The following PHLDB3 variants were observed in gnomAD, a reference collection of about 807,000 sequenced individuals.
PHLDB3 encodes pleckstrin homology like domain family B member 3.
In PHLDB3, 86 loss-of-function variants were observed where a neutral mutation model predicts 85.7. That is an observed-to-expected ratio of 1.00 (90% CI 0.84 to 1.20). The LOEUF is 1.20. Among genes scored for constraint, PHLDB3 ranks in the 50% most tolerant of loss-of-function variants. The probability of loss-of-function intolerance (pLI) is 0.00; values close to 1 mark genes in which losing one functional copy is unlikely to be tolerated. For synonymous variants in PHLDB3, 376 were observed against 349.8 expected, an observed-to-expected ratio of 1.07 and a Z score of -0.83; for missense variants, 995 against 873.0, an observed-to-expected ratio of 1.14 and a Z score of -1.76.
At chr19:43,480,338 C>A (rs1196502528) in intron 13 of PHLDB3, among the ~76,000 whole-genome samples, 1 of 145,314 alleles carries the variant, frequency 6.9e-6, no homozygotes, top group African/African-American at 2.5e-5. Flanking sequence ...TGCCTGTAAT[C>A]TCAGCACTTT....
intron 14 of PHLDB3, among the ~76,000 whole-genome samples, chr19:43,478,403 A>G (rs988740198): frequency 5.9e-5 from 9 of 152,246 alleles, no homozygotes; most frequent in Non-Finnish European, 1.2e-4. Context: ...GAAGGAACTC[A>G]GGGAGTGCTC....
intron 6 of PHLDB3, 104 bp from the exon 7 acceptor site, chr19:43,495,724 A>G: frequency 6.9e-7 from 1 of 1,456,804 alleles, no homozygotes; most frequent in Middle Eastern, 2.2e-4. Context: ...AGCCACTCCC[A>G]GAGACCATGG....
Position 43,497,784 on chromosome 19 carries a change from C to A in PHLDB3, c.627G>T (p.Glu209Asp). ...KAQGQLDSQP[E>D]DQRERLLQGV... is the part of the protein sequence containing the mutation. Reference sequence around the variant, plus strand: ...CCTGCAGAAGCCGCTCGCGTTGGTCCTCTGGCTGTGAGTCGAGCTGTCCCT... The same window carrying A: ...CCTGCAGAAGCCGCTCGCGTTGGTCATCTGGCTGTGAGTCGAGCTGTCCCT... Residue 209 changes from glutamate (E) to aspartate (D), a missense_variant, in exon 5 of 16, where the codon GAG becomes GAT. Transcript: ENST00000292140. 6.4e-7 allele frequency: 1 copy of A among 1,555,170 alleles called. No individual in the cohort carries two copies. Among genetic ancestry groups the A allele is most frequent in the Non-Finnish European group, 8.7e-7 (1 of 1,149,050 alleles).
chr19:43,475,476 G>A lies in PHLDB3; in HGVS notation c.1857C>T (p.Ser619=). 1 of 1,613,976 alleles carries A rather than the reference G, an allele frequency of 6.2e-7. No individual in the cohort carries two copies. Residue 619 remains serine, a synonymous_variant, in exon 16 of 16, where the codon AGC becomes AGT. Transcript: ENST00000292140. The stretch of plus-strand genomic sequence containing the variant: ...CCATCCAAATGCGCATGGCTTCGGG[G>A]CTCGGAGCCACCATGTAGAAAAGGC... ...YERLFYMVAP[S]PEAMRIWMDV...
At chr19:43,499,091 G>A (rs1373027263) in intron 4 of PHLDB3, among the ~76,000 whole-genome samples, 4 of 152,070 alleles carry the variant, frequency 2.6e-5, no homozygotes, top group Admixed American at 1.3e-4. Context: ...CAGCTGCCTC[G>A]GGAGTCCTCC....
In PHLDB3 at chr19:43,501,800, C is replaced by T. The variant is rs1971607182; in HGVS notation, c.468G>A (p.Glu156=). 6 of 1,587,936 alleles carry T rather than the reference C, an allele frequency of 3.8e-6. No homozygotes were observed. Among genetic ancestry groups the T allele is most frequent in the Non-Finnish European group, 5.1e-6 (6 of 1,168,798 alleles). The change falls in exon 4 of 16, where the codon GAG becomes GAA. Residue 156 remains glutamate (E), a synonymous_variant. Coordinates refer to ENST00000292140, the MANE Select transcript of PHLDB3 (RefSeq NM_198850.4). ...GCTGCTCCAGCAGCTCCCGCAGCTG[C>T]TCCTCCTCCCGGCGAGCGGCCACTC... is the stretch of plus-strand genomic sequence containing the variant. ...GERVAARREE[E]QLRELLEQQA...
At chr19:43,504,540 CTT>C (rs1971708368) in intron 1 of PHLDB3, 47 bp downstream of exon 1, 1 of 211,196 alleles carries the variant, frequency 4.7e-6, no homozygotes, top group African/African-American at 2.4e-5. Context: ...GCCCCGTAGT[CTT>C]AGTCCCGACC....
intron 5 of PHLDB3, 68 bp downstream of exon 5, chr19:43,497,680 C>T: frequency 6.6e-7 from 1 of 1,507,686 alleles, no homozygotes; most frequent in Non-Finnish European, 8.9e-7. Context: ...CCACTGCACT[C>T]CAGCCTGGGC....
intron 13 of PHLDB3, among the ~76,000 whole-genome samples, chr19:43,485,043 A>G (rs1054451089): frequency 3.3e-5 from 5 of 151,846 alleles, no homozygotes; most frequent in Non-Finnish European, 7.4e-5. Context: ...AAAATAAAAT[A>G]TATATACCTA....
intron 2 of PHLDB3, among the ~76,000 whole-genome samples, chr19:43,503,446 G>A (rs746513313): frequency 1.8e-4 from 28 of 152,140 alleles, no homozygotes; most frequent in Admixed American, 1.2e-3. Context: ...GGGATTACAG[G>A]CACGCGGCAC....
intron 14 of PHLDB3, among the ~76,000 whole-genome samples, chr19:43,478,539 C>G (rs1430838062): frequency 6.6e-6 from 1 of 152,152 alleles, no homozygotes; most frequent in East Asian, 1.9e-4. Flanking sequence ...ACAAGTCACA[C>G]AGCCAGAGCT....
chr19:43,494,369 G>C (rs974968369), intron 9 of PHLDB3, among the ~76,000 whole-genome samples: 2 of 148,222 alleles, frequency 1.3e-5, no homozygotes, highest in African/African-American at 2.5e-5. Flanking sequence ...AGGAAGTCTA[G>C]AAGGATTCTC....
At position 43,501,813 on chromosome 19, in the gene PHLDB3, C is replaced by A; in HGVS notation, c.455G>T (p.Arg152Leu). Residue 152 changes from arginine (R) to leucine (L), a missense_variant, in exon 4 of 16, where the codon CGC becomes CTC. Coordinates refer to ENST00000292140, the MANE Select transcript of PHLDB3 (RefSeq NM_198850.4). ...GELAGERVAA[R>L]REEEQLRELL... ...CTCCCGCAGCTGCTCCTCCTCCCGGCGAGCGGCCACTCGCTCCCCAGCCAG... is the reference window on the plus strand; with the variant it reads ...CTCCCGCAGCTGCTCCTCCTCCCGGAGAGCGGCCACTCGCTCCCCAGCCAG... 6.3e-7 allele frequency: 1 copy of A among 1,587,974 alleles called. No homozygotes were observed. Among genetic ancestry groups the A allele is most frequent in the African/African-American group, 1.3e-5 (1 of 74,282 alleles).
At position 43,504,072 on chromosome 19, in the gene PHLDB3, A is replaced by T; in HGVS notation, c.47T>A (p.Val16Asp). Residue 16 changes from valine to aspartate, a missense_variant, in exon 2 of 16, where the codon GTC (valine) becomes GAC (aspartate). Physicochemically the swap from Val to Asp is radical, Grantham distance 152. Coordinates refer to ENST00000292140, the MANE Select transcript of PHLDB3 (RefSeq NM_198850.4). ...CTGGACCTCCACGTCGCATTCCGGG[A>T]CCAGCGGCGGCGGGGTCCCCTCCTC... Reference protein sequence around the residue: ...SPEEGTPPPLVPECDVEVQPQ... With the variant: ...SPEEGTPPPLDPECDVEVQPQ... The T allele has an allele frequency of 1.2e-6, 2 of 1,612,722 alleles. No individual in the cohort carries two copies. The highest frequency in any genetic ancestry group is 8.5e-7 in the Non-Finnish European group (1 of 1,179,418).
chr19:43,498,011 A>T (rs1971505577), intron 4 of PHLDB3, 135 bp from the exon 5 acceptor site: 7 of 1,330,790 alleles, frequency 5.3e-6, no homozygotes, highest in Non-Finnish European at 7.0e-6. Flanking sequence ...ACTCCTGTGC[A>T]GGCCTGCCTC....
At chr19:43,494,881 G>A (rs999254125) in intron 8 of PHLDB3, 66 bp from the exon 9 acceptor site, 43 of 1,238,302 alleles carry the variant, frequency 3.5e-5, no homozygotes, top group East Asian at 2.2e-4. Flanking sequence ...CAGTTTCCAC[G>A]TGCTCTGGCC....
chr19:43,487,437 T>C (rs545127321), intron 9 of PHLDB3, among the ~76,000 whole-genome samples: 4 of 151,692 alleles, frequency 2.6e-5, no homozygotes, highest in Non-Finnish European at 5.9e-5. Flanking sequence ...TAGCCGGGCA[T>C]GGTGGCACGC....
At chr19:43,500,187 C>A (rs1441145937) in intron 4 of PHLDB3, among the ~76,000 whole-genome samples, 1 of 151,832 alleles carries the variant, frequency 6.6e-6, no homozygotes, top group Non-Finnish European at 1.5e-5. Context: ...TACGGTGAGC[C>A]AAGATCACGC....
At chr19:43,495,453 G>C (rs764238550) in intron 7 of PHLDB3, 42 bp downstream of exon 7, 1 of 1,604,106 alleles carries the variant, frequency 6.2e-7, no homozygotes, top group Admixed American at 1.7e-5. Flanking sequence ...GCCCCAGGGG[G>C]AAGTGAGGAC....
Sources: gnomAD v4.1 joint callset for allele counts (sites outside exome capture counted in the v4.1 genomes callset) on GRCh38, gnomAD v4.1.1 for gene constraint, MANE v1.5 for transcripts, NCBI Gene and HGNC (gene_info 2026-07-23, HGNC 2026-07-21) for gene names.